LINGO1: variants seen among roughly 807,000 people sequenced by gnomAD.
The protein encoded by LINGO1 is leucine-rich repeat and immunoglobulin-like domain-containing nogo receptor-interacting protein 1.
In LINGO1, 11 loss-of-function variants were observed where a neutral mutation model predicts 37.3. That is an observed-to-expected ratio of 0.29 (90% confidence interval 0.19 to 0.49). The LOEUF (loss-of-function observed/expected upper bound fraction) is 0.49, where lower values mean the gene tolerates loss of function less well. Ranked by LOEUF, LINGO1 falls within the 20% of genes least tolerant of loss-of-function variation. LINGO1 has a pLI of 0.99. For missense variants in LINGO1, 585 were observed against 878.2 expected, an observed-to-expected ratio of 0.67 and a Z score of 4.22; for synonymous variants, 387 against 403.0, an observed-to-expected ratio of 0.96 and a Z score of 0.48.
At chr15:77,626,151 A>C (rs1877292) in intron 1 of LINGO1, among the ~76,000 whole-genome samples, 27,494 of 151,928 alleles carry the variant, frequency 0.18, 5,339 homozygotes, top group African/African-American at 0.49. Context: ...GGTCCCACAG[A>C]ATCTCTGGGC....
chr15:77,671,977 G>A (rs2075257148), intron 3 of LINGO1, among the ~76,000 whole-genome samples: 2 of 150,626 alleles, frequency 1.3e-5, no homozygotes, highest in Admixed American at 6.6e-5. Flanking sequence ...ACCTTCCTAA[G>A]ACCAAACACA....
intron 1 of LINGO1, among the ~76,000 whole-genome samples, chr15:77,744,196 C>T (rs1009820002): frequency 6.6e-6 from 1 of 152,048 alleles, no homozygotes; most frequent in South Asian, 2.1e-4. Flanking sequence ...TAACAAGCTG[C>T]GTGTCTATGA....
At chr15:77,778,741 C>T (rs55726435) in intron 1 of LINGO1, among the ~76,000 whole-genome samples, 84,659 of 152,030 alleles carry the variant, frequency 0.56, 23,598 homozygotes, top group South Asian at 0.61. Flanking sequence ...ATTATTTCAA[C>T]AGCCTCCCCC....
chr15:77,728,186 G>C (rs559807195), intron 2 of LINGO1, among the ~76,000 whole-genome samples: 1 of 152,190 alleles, frequency 6.6e-6, no homozygotes, highest in Non-Finnish European at 1.5e-5. Context: ...CAGGTCTGGC[G>C]GTGATCGATC....
At chr15:77,633,406 G>A (rs1484378050), upstream of LINGO1, among the ~76,000 whole-genome samples, 1 of 152,242 alleles carries the variant, frequency 6.6e-6, no homozygotes, top group Non-Finnish European at 1.5e-5. Flanking sequence ...TTGTTTGGAG[G>A]GCGGCATGGG....
At chr15:77,623,655 G>A (rs2073992891) in intron 1 of LINGO1, among the ~76,000 whole-genome samples, 1 of 152,136 alleles carries the variant, frequency 6.6e-6, no homozygotes, top group Admixed American at 6.5e-5. Flanking sequence ...TCTCCCCGGG[G>A]GTTGGTCCGC....
At chr15:77,645,868 A>G (rs931830465) in intron 3 of LINGO1, among the ~76,000 whole-genome samples, 28 of 152,228 alleles carry the variant, frequency 1.8e-4, no homozygotes, top group Admixed American at 1.8e-3. Context: ...CGAAGGGGAC[A>G]GCCCAGGGGT....
In LINGO1 at chr15:77,614,255, G is replaced by A; in HGVS notation, c.1652C>T (p.Pro551Leu). ...GATGATGAGGGTCTTGATGTCGAAG[G>A]GGAAAGGCACAGTGGCGCGGGTGCT... ...ANSTRATVPF[P>L]FDIKTLIIAT... The change falls in exon 2 of 2, where the codon CCC (proline) becomes CTC (leucine). Residue 551 changes from proline (P) to leucine (L), a missense_variant. By Grantham distance (98) the Pro-to-Leu change is moderately conservative. Coordinates refer to ENST00000355300, the MANE Select transcript of LINGO1 (RefSeq NM_032808.7). 1 of 1,614,014 alleles carries A rather than the reference G, an allele frequency of 6.2e-7. No homozygotes were observed. The highest frequency in any genetic ancestry group is 8.5e-7 in the Non-Finnish European group (1 of 1,179,892).
At chr15:77,674,408 C>G (rs890058597) in intron 3 of LINGO1, among the ~76,000 whole-genome samples, 1 of 152,230 alleles carries the variant, frequency 6.6e-6, no homozygotes, top group Admixed American at 6.5e-5. Context: ...TGTCACTACG[C>G]AGAACCTTCC....
intron 1 of LINGO1, among the ~76,000 whole-genome samples, chr15:77,811,967 G>A (rs974766643): frequency 6.6e-6 from 1 of 151,232 alleles, no homozygotes; most frequent in African/African-American, 2.4e-5. Flanking sequence ...AAATAGCACA[G>A]TCACGTGAGC....
At chr15:77,679,063 G>A (rs549059977) in intron 2 of LINGO1, among the ~76,000 whole-genome samples, 1 of 152,182 alleles carries the variant, frequency 6.6e-6, no homozygotes, top group Non-Finnish European at 1.5e-5. Context: ...ACCACACCCA[G>A]CTAATTTTTG....
At chr15:77,723,849 C>T (rs922535630) in intron 2 of LINGO1, among the ~76,000 whole-genome samples, 8 of 151,956 alleles carry the variant, frequency 5.3e-5, no homozygotes, top group East Asian at 1.9e-4. Context: ...CAGTTCCAAA[C>T]GGAGCCGAGG....
chr15:77,789,092 A>G (rs2076798162), upstream of LINGO1, among the ~76,000 whole-genome samples: 1 of 143,644 alleles, frequency 7.0e-6, no homozygotes, highest in Non-Finnish European at 1.5e-5. Context: ...CAAGGCTGCC[A>G]GTGGACAGTT....
chr15:77,664,536 G>C (rs1025885469), intron 3 of LINGO1, among the ~76,000 whole-genome samples: 2 of 152,212 alleles, frequency 1.3e-5, no homozygotes, highest in African/African-American at 4.8e-5. Flanking sequence ...CCGGTCAGGA[G>C]AGCAGTGTAA....
chr15:77,819,600 G>C (rs1196614610), intron 1 of LINGO1: 1 of 150,606 alleles, frequency 6.6e-6, no homozygotes, highest in East Asian at 2.0e-4. Flanking sequence ...ACCCAGGCGC[G>C]CACACCCGGC....
intron 3 of LINGO1, among the ~76,000 whole-genome samples, chr15:77,658,335 G>A (rs2141160193): frequency 6.6e-6 from 1 of 152,370 alleles, no homozygotes; most frequent in East Asian, 1.9e-4. Context: ...GCCCAGAGAG[G>A]AGAGGAGAGG....
chr15:77,692,039 A>G (rs2075613607), intron 1 of LINGO1, among the ~76,000 whole-genome samples: 1 of 152,162 alleles, frequency 6.6e-6, no homozygotes, highest in Non-Finnish European at 1.5e-5. Context: ...TGGGGCTTGA[A>G]CACTTGATTT....
chr15:77,711,133 A>G (rs2075913696), intron 2 of LINGO1, among the ~76,000 whole-genome samples: 1 of 151,926 alleles, frequency 6.6e-6, no homozygotes, highest in East Asian at 1.9e-4. Context: ...TCCCTTCAAA[A>G]CCCAGCTCAA....
rs115944467 is a variant in LINGO1, at chr15:77,649,970, G to A, written c.-13+27119C>T. Among the ~76,000 whole-genome samples the A allele has an allele frequency of 3.3e-3, 506 of 152,318 alleles. 2 individuals are homozygous for A. The highest frequency in any genetic ancestry group is 0.012 in the African/African-American group (490 of 41,538). On this transcript the variant is annotated intron_variant, in intron 3 of 3. Coordinates refer to the LINGO1 transcript ENST00000559893. ...TTAGTTCCAGGTCCACCCAGCCACT[G>A]GGTAACAATGGCCAATGCCCCCCAA... is the stretch of plus-strand genomic sequence containing the variant.
Sources: gnomAD v4.1 joint callset for allele counts (sites outside exome capture counted in the v4.1 genomes callset) on GRCh38, gnomAD v4.1.1 for gene constraint, MANE v1.5 for transcripts, NCBI Gene and HGNC (gene_info 2026-07-23, HGNC 2026-07-21) for gene names.